The following CNTN5 variants were observed in gnomAD, a reference collection of about 807,000 sequenced individuals.
CNTN5 encodes contactin 5.
CNTN5 carries 77 observed loss-of-function variants against 129.1 expected under a neutral mutation model. The ratio of observed to expected loss-of-function variants is 0.60; its 90% CI spans 0.50 to 0.72. The LOEUF is 0.72. CNTN5 is among the 30% of genes least tolerant of loss of function. The probability of loss-of-function intolerance (pLI) is 0.00; values close to 1 mark genes in which losing one functional copy is unlikely to be tolerated. For missense variants in CNTN5, 1,478 were observed against 1,328.8 expected (o/e 1.11, Z -1.75); for synonymous variants, 509 against 465.6 (o/e 1.09, Z -1.20).
intron 2 of CNTN5, among the ~76,000 whole-genome samples, chr11:99,481,657 A>T (rs920500893): frequency 6.6e-6 from 1 of 152,160 alleles, no homozygotes; most frequent in Non-Finnish European, 1.5e-5. Flanking sequence ...GGCCCTGCTT[A>T]TTGCTTCAAG....
At chr11:99,752,211 G>A (rs1430880315) in intron 3 of CNTN5, among the ~76,000 whole-genome samples, 1 of 152,196 alleles carries the variant, frequency 6.6e-6, no homozygotes, top group Admixed American at 6.5e-5. Flanking sequence ...GTGATCCAAT[G>A]ACAGCCTTTA....
intron 1 of CNTN5, among the ~76,000 whole-genome samples, chr11:99,154,036 G>A (rs1296121580): frequency 6.6e-6 from 1 of 152,076 alleles, no homozygotes; most frequent in East Asian, 1.9e-4. Flanking sequence ...GGTCTGAGGT[G>A]TTCCCCATCT....
intron 1 of CNTN5, among the ~76,000 whole-genome samples, chr11:99,072,809 T>C (rs1160451064): frequency 6.6e-6 from 1 of 152,158 alleles, no homozygotes; most frequent in Non-Finnish European, 1.5e-5. Flanking sequence ...TACACCTTTG[T>C]AACCATCTCC....
At chr11:99,273,472 A>G (rs1433683677) in intron 1 of CNTN5, among the ~76,000 whole-genome samples, 1 of 151,780 alleles carries the variant, frequency 6.6e-6, no homozygotes, top group Non-Finnish European at 1.5e-5. Flanking sequence ...GTACTGATTT[A>G]TCCTTCTTCC....
rs1350323659 is a variant in CNTN5, at chr11:100,189,878, A to G, written c.1581-1248A>G. On this transcript the variant is annotated intron_variant, in intron 13 of 24. Transcript: ENST00000524871. ...TTTTTCTAAATTTGTCTTCCTTCTTACACATCATAAATCAAGTTTGATCCA... is the reference window on the plus strand; with the variant it reads ...TTTTTCTAAATTTGTCTTCCTTCTTGCACATCATAAATCAAGTTTGATCCA... Among the ~76,000 whole-genome samples, 3 of 152,248 alleles carry G rather than the reference A, an allele frequency of 2.0e-5. No homozygotes were observed. The South Asian group carries it at 6.2e-4, about 32-fold the overall frequency.
At chr11:100,123,049 C>A (rs983724649) in intron 13 of CNTN5, among the ~76,000 whole-genome samples, 9 of 151,730 alleles carry the variant, frequency 5.9e-5, no homozygotes, top group African/African-American at 9.7e-5. Flanking sequence ...AATTTGCTTC[C>A]AGGGTAATAG....
chr11:99,678,089 G>T (rs2134693917), intron 3 of CNTN5, among the ~76,000 whole-genome samples: 1 of 151,940 alleles, frequency 6.6e-6, no homozygotes, highest in South Asian at 2.1e-4. Flanking sequence ...GGGTACATTT[G>T]ACTCTCACAA....
chr11:99,768,992 T>C (rs76712870), intron 3 of CNTN5, among the ~76,000 whole-genome samples: 2,931 of 152,066 alleles, frequency 0.019, 101 homozygotes, highest in African/African-American at 0.065. Flanking sequence ...TCTATGTTTA[T>C]GACCTGGCAT....
rs1441879553 is a variant in CNTN5 at position 99,476,077 on chromosome 11, T to TC, written c.-70-80068_-70-80067insC. On this transcript the variant is annotated intron_variant, in intron 2 of 24. Transcript: ENST00000524871. ...TTTTATTCTCTTGCTCTCTTTCTCT[T>TC]TTTTCCCCCAAAGAAAGGATGGAAT... is the stretch of plus-strand genomic sequence containing the variant. Among the ~76,000 whole-genome samples, 5 of 6,620 alleles carry TC rather than the reference T, an allele frequency of 7.6e-4. No individual in the cohort carries two copies. The Non-Finnish European group carries it at 0.045, about 60-fold the overall frequency. The allele number at this position is 6,620 out of a possible 152,430, so 4.3% of individuals were successfully genotyped here. A position where few individuals can be genotyped will look rare whatever the true frequency, so the allele number is the denominator to read the frequency against.
intron 7 of CNTN5, among the ~76,000 whole-genome samples, chr11:99,927,974 A>G (rs909659111): frequency 6.6e-6 from 1 of 152,162 alleles, no homozygotes; most frequent in Non-Finnish European, 1.5e-5. Flanking sequence ...CCTACATACT[A>G]TGGGGGTACA....
intron 3 of CNTN5, among the ~76,000 whole-genome samples, chr11:99,598,785 T>C (rs1338084782): frequency 2.0e-5 from 3 of 152,036 alleles, no homozygotes; most frequent in African/African-American, 7.2e-5. Context: ...AATATTACTG[T>C]GGAACTTTAG....
chr11:100,069,869 T>C (rs995535856), intron 10 of CNTN5, among the ~76,000 whole-genome samples: 1 of 152,150 alleles, frequency 6.6e-6, no homozygotes, highest in African/African-American at 2.4e-5. Context: ...AGTATCTCAT[T>C]CTTAATAAAA....
At chr11:99,374,317 A>C (rs1242797369) in intron 2 of CNTN5, among the ~76,000 whole-genome samples, 2 of 152,242 alleles carry the variant, frequency 1.3e-5, no homozygotes, top group South Asian at 4.1e-4. Flanking sequence ...AATGAACAGC[A>C]CAAAGCCTTT....
At chr11:100,036,660 A>T (rs1081344) in intron 9 of CNTN5, among the ~76,000 whole-genome samples, 1 of 134,148 alleles carries the variant, frequency 7.5e-6, no homozygotes, top group Admixed American at 7.4e-5. Context: ...GTGGTTTGTC[A>T]TTCTCCTTGA....
At chr11:99,663,265 C>G (rs1001565833) in intron 3 of CNTN5, among the ~76,000 whole-genome samples, 1 of 152,084 alleles carries the variant, frequency 6.6e-6, no homozygotes, top group African/African-American at 2.4e-5. Flanking sequence ...GTCAGGAGTT[C>G]GAGACCAGCC....
intron 3 of CNTN5, among the ~76,000 whole-genome samples, chr11:99,715,268 T>C (rs541047159): frequency 2.6e-5 from 4 of 151,942 alleles, no homozygotes; most frequent in South Asian, 2.1e-4. Context: ...GGAGAACTTA[T>C]TTTTTTAAGA....
At chr11:99,889,982 A>T (rs1816173867) in intron 6 of CNTN5, among the ~76,000 whole-genome samples, 1 of 152,132 alleles carries the variant, frequency 6.6e-6, no homozygotes. Flanking sequence ...CACCTTTTTC[A>T]TTGTCACAAA....
At chr11:100,341,231 T>A (rs1952153581) in intron 23 of CNTN5, 26 bp downstream of exon 23, 1 of 1,477,520 alleles carries the variant, frequency 6.8e-7, no homozygotes, top group Non-Finnish European at 9.5e-7. Context: ...CTCTTTTGCA[T>A]AGATACTCAT....
rs529926465 is a variant in CNTN5, at chr11:100,345,074, C to T, written c.3030+3869C>T. 7.9e-5 allele frequency among the ~76,000 whole-genome samples: 12 copies of T among 152,166 alleles called. No homozygotes were observed. In the South Asian group the frequency reaches 2.5e-3, roughly 32 times the overall value. On this transcript the variant is annotated intron_variant, in intron 23 of 24. Coordinates refer to ENST00000524871, the MANE Select transcript of CNTN5 (RefSeq NM_014361.4). ...TTGAGCTCCCCATTGTCCAAGAAAG[C>T]ACTGTCTTAGTCCTTTTGCGCTGTT...
Sources: allele counts gnomAD v4.1 joint callset (sites outside exome capture counted in the v4.1 genomes callset), GRCh38; gene constraint gnomAD v4.1.1; transcripts MANE v1.5; gene names NCBI Gene and HGNC (gene_info 2026-07-23, HGNC 2026-07-21).